ARHGEF40: variants seen among roughly 807,000 people sequenced by gnomAD.
ARHGEF40 encodes the protein Rho guanine nucleotide exchange factor 40.
Under a neutral mutation model 165.9 loss-of-function variants are expected in ARHGEF40, and 98 were observed. The observed-to-expected ratio is 0.59, with a 90% CI of 0.50 to 0.70. The LOEUF is 0.70. ARHGEF40 is among the 30% of genes least tolerant of loss of function. ARHGEF40 has a pLI of 0.00. For missense variants in ARHGEF40, 1,815 were observed against 1,968.0 expected (o/e 0.92, Z 1.47); for synonymous variants, 792 against 814.3 (o/e 0.97, Z 0.47).
In ARHGEF40 at chr14:21,073,332, C is replaced by G; in HGVS notation, c.201+90C>G. ...CAGGCTGACTAATGCCCCCACTAAC[C>G]TAGAGATACAGCCTCCCTTGAAACC... On this transcript the variant is annotated intron_variant, in intron 2 of 23. Coordinates refer to ENST00000298694, the MANE Select transcript of ARHGEF40 (RefSeq NM_018071.5). The surrounding 1 kb of genome is among the most constrained non-coding windows in gnomAD (Gnocchi z 4.6). 1 of 1,359,626 alleles carries G rather than the reference C, an allele frequency of 7.4e-7. No homozygotes were observed. Among genetic ancestry groups the G allele is most frequent in the Non-Finnish European group, 1.0e-6 (1 of 993,808 alleles). The allele number at this position is 1,359,626 out of a possible 1,614,324, so 84.2% of individuals were successfully genotyped here.
chr14:21,067,595 C>T (rs1214796481), upstream of ARHGEF40, among the ~76,000 whole-genome samples: 1 of 152,018 alleles, frequency 6.6e-6, no homozygotes, highest in Non-Finnish European at 1.5e-5. Context: ...TTTGAGAAGC[C>T]CCAAAGAGTC....
At chr14:21,062,948 T>TAA in the ARHGEF40 span, among the ~76,000 whole-genome samples, 830 of 128,126 alleles carry the variant, frequency 6.5e-3, 7 homozygotes, top group African/African-American at 0.02. Flanking sequence ...ACCTTGTCTC[T>TAA]AAAAAAAAAA....
rs1275282851 is a variant in ARHGEF40 at position 21,078,912 on chromosome 14, T to C, written c.2275T>C (p.Tyr759His). 1 of 1,614,022 alleles carries C rather than the reference T, an allele frequency of 6.2e-7. No individual in the cohort carries two copies. The highest frequency in any genetic ancestry group is 8.5e-7 in the Non-Finnish European group (1 of 1,179,968). The change falls in exon 11 of 24, where the codon TAT becomes CAT. Residue 759 changes from tyrosine (Y) to histidine (H), a missense_variant. Tyr to His is a moderately conservative substitution (Grantham distance 83). Transcript: ENST00000298694. ...KLEGQGPATL[Y>H]QEVDEAIHQL... is the part of the protein sequence containing the mutation. ...GGAGGGCCAAGGCCCAGCTACACTG[T>C]ATCAGGAAGTGGACGAGGCCATTCA...
rs114625560 is a variant in ARHGEF40 at position 21,073,973 on chromosome 14, G to T, written c.243G>T (p.Pro81=). ...TCCTCTTCTTCCATGAGGGGTGGCC[G>T]CTCTGCCTGCATGAACAGGTGGTGG... ...SGFLFFHEGW[P]LCLHEQVVVQ... The change falls in exon 3 of 24, where the codon CCG becomes CCT. Residue 81 remains proline (P), a synonymous_variant. Coordinates refer to ENST00000298694, the MANE Select transcript of ARHGEF40 (RefSeq NM_018071.5). This position sits in a 1 kb window ranked among gnomAD's most constrained non-coding sequence, Gnocchi z 4.6. 1.2e-6 allele frequency: 2 copies of T among 1,610,482 alleles called. No homozygotes were observed. Among genetic ancestry groups the T allele is most frequent in the African/African-American group, 2.7e-5 (2 of 75,018 alleles).
upstream of ARHGEF40, among the ~76,000 whole-genome samples, chr14:21,066,333 T>G (rs1886263648): frequency 6.6e-6 from 1 of 151,740 alleles, no homozygotes; most frequent in Non-Finnish European, 1.5e-5. Context: ...TTGTTTTTTT[T>G]TTTTGGAGAC....
Position 21,082,407 on chromosome 14 carries a change from A to C in ARHGEF40, c.3415A>C (p.Thr1139Pro). The change falls in exon 15 of 24, where the codon ACA (threonine) becomes CCA (proline). Residue 1139 changes from threonine (T) to proline (P), a missense_variant. Coordinates refer to ENST00000298694, the MANE Select transcript of ARHGEF40 (RefSeq NM_018071.5). ...GGAAAGGCTTCGCAGCTTCCACCGG[A>C]CACACTTTCTGCGGGAGCTTCAGGG... is the stretch of plus-strand genomic sequence containing the variant. ...ARERLRSFHR[T>P]HFLRELQGCA... The C allele has an allele frequency of 6.2e-7, 1 of 1,611,540 alleles. No individual in the cohort carries two copies. The highest frequency in any genetic ancestry group is 8.5e-7 in the Non-Finnish European group (1 of 1,179,158).
chr14:21,065,981 C>A (rs1002350981), upstream of ARHGEF40, among the ~76,000 whole-genome samples: 1 of 152,136 alleles, frequency 6.6e-6, no homozygotes. Context: ...AGCCTGTAAA[C>A]CCAACTACTT....
At position 21,074,503 on chromosome 14, in the gene ARHGEF40, A is replaced by T; in HGVS notation, c.773A>T (p.Asp258Val). The T allele has an allele frequency of 1.4e-5, 21 of 1,554,386 alleles. No individual in the cohort carries two copies. The highest frequency in any genetic ancestry group is 1.7e-5 in the Non-Finnish European group (20 of 1,149,618). Reference protein sequence around the residue: ...VTLPVRGSPTDAEGSPGLSRV... With the variant: ...VTLPVRGSPTVAEGSPGLSRV... The stretch of plus-strand genomic sequence containing the variant: ...CTGCCCGTGAGGGGGAGCCCAACAG[A>T]TGCTGAAGGCTCCCCAGGCCTCTCC... Residue 258 changes from aspartate to valine, a missense_variant, in exon 3 of 24, where the codon GAT (aspartate) becomes GTT (valine). By Grantham distance (152) the Asp-to-Val change is radical. Coordinates refer to ENST00000298694, the MANE Select transcript of ARHGEF40 (RefSeq NM_018071.5). This position sits in a 1 kb window ranked among gnomAD's most constrained non-coding sequence, Gnocchi z 4.8.
At chr14:21,087,254 C>A in intron 20 of ARHGEF40, 66 bp from the exon 21 acceptor site, 1 of 1,583,954 alleles carries the variant, frequency 6.3e-7, no homozygotes, top group Non-Finnish European at 8.6e-7. Context: ...GACTGAGGGT[C>A]ATTCCAGGGA....
intron 5 of ARHGEF40, 121 bp from the exon 6 acceptor site, chr14:21,076,239 G>T: frequency 1.2e-6 from 1 of 811,564 alleles, no homozygotes; most frequent in Non-Finnish European, 2.0e-6. Flanking sequence ...CAAATGTACC[G>T]GCAACTAATT....
In ARHGEF40 at chr14:21,074,563, G is replaced by A; in HGVS notation, c.833G>A (p.Gly278Glu). The A allele has an allele frequency of 1.3e-6, 2 of 1,555,238 alleles. No homozygotes were observed. Among genetic ancestry groups the A allele is most frequent in the Non-Finnish European group, 1.7e-6 (2 of 1,150,550 alleles). Residue 278 changes from glycine (G) to glutamate (E), a missense_variant, in exon 3 of 24, where the codon GGA becomes GAA. By Grantham distance (98) the Gly-to-Glu change is moderately conservative (BLOSUM62 -2). Transcript: ENST00000298694. The surrounding 1 kb of genome is among the most constrained non-coding windows in gnomAD (Gnocchi z 4.8). ...ACGGTACCCACCCGCAAGGGCGCTGGAGGGAAGGGCCGCCACCGGAGACAC... is the reference window on the plus strand; with the variant it reads ...ACGGTACCCACCCGCAAGGGCGCTGAAGGGAAGGGCCGCCACCGGAGACAC... ...VRTVPTRKGA[G>E]GKGRHRRHRA...
chr14:21,085,681 T>C lies in ARHGEF40; in HGVS notation c.3961-8T>C. ...TGTCTTCACCCGCTGCCCTCTGCTC[T>C]TCCTCAGACTGCTGATATGGGGCTG... On this transcript the variant is annotated splice_polypyrimidine_tract_variant and splice_region_variant and intron_variant, in intron 18 of 23. Coordinates refer to ENST00000298694, the MANE Select transcript of ARHGEF40 (RefSeq NM_018071.5). 1 of 1,612,892 alleles carries C rather than the reference T, an allele frequency of 6.2e-7. No homozygotes were observed. The highest frequency in any genetic ancestry group is 8.5e-7 in the Non-Finnish European group (1 of 1,179,658).
chr14:21,088,048 A>C lies in ARHGEF40; in HGVS notation c.4468A>C (p.Ser1490Arg). The stretch of plus-strand genomic sequence containing the variant: ...CAGCCTGCAACCCCCCCACCCTGGG[A>C]GCAGCACTCCCACCCTGGCCAGTCG... ...SPSLQPPHPG[S>R]STPTLASRGI... Residue 1490 changes from serine (S) to arginine (R), a missense_variant, in exon 22 of 24, where the codon AGC (serine) becomes CGC (arginine). Transcript: ENST00000298694. 6.2e-7 allele frequency: 1 copy of C among 1,613,830 alleles called. No individual in the cohort carries two copies. The highest frequency in any genetic ancestry group is 8.5e-7 in the Non-Finnish European group (1 of 1,179,896).
rs1430296301 is a variant in ARHGEF40, at chr14:21,078,966, G to A, written c.2329G>A (p.Val777Met). The A allele has an allele frequency of 6.8e-6, 11 of 1,614,028 alleles. No homozygotes were observed. Among genetic ancestry groups the A allele is most frequent in the Middle Eastern group, 1.6e-4 (1 of 6,078 alleles). Residue 777 changes from valine (V) to methionine (M), a missense_variant, in exon 11 of 24, where the codon GTG (valine) becomes ATG (methionine). Physicochemically the swap from Val to Met is conservative, Grantham distance 21. Coordinates refer to ENST00000298694, the MANE Select transcript of ARHGEF40 (RefSeq NM_018071.5). Reference sequence around the variant, plus strand: ...GCTTGTGCGCCTCTCCAACCTGCACGTGCAGCAGCAAGAGCAGCGGCAGTG... The same window carrying A: ...GCTTGTGCGCCTCTCCAACCTGCACATGCAGCAGCAAGAGCAGCGGCAGTG... ...HQLVRLSNLH[V>M]QQQEQRQCLR...
At position 21,082,060 on chromosome 14, in the gene ARHGEF40, G is replaced by C; in HGVS notation, c.3192G>C (p.Arg1064Ser). 2 of 1,560,046 alleles carry C rather than the reference G, an allele frequency of 1.3e-6. No homozygotes were observed. Among genetic ancestry groups the C allele is most frequent in the Non-Finnish European group, 1.7e-6 (2 of 1,151,924 alleles). ...AACACGTGCTGCTGGGCCGGGCTAG[G>C]GGGCCAGACGGACCCTGGGGAGTAG... ...PREHVLLGRA[R>S]GPDGPWGVGT... The change falls in exon 14 of 24, where the codon AGG (arginine) becomes AGC (serine). Residue 1064 changes from arginine (R) to serine (S), a missense_variant. Arg to Ser is a moderately radical substitution (Grantham distance 110). Transcript: ENST00000298694.
In ARHGEF40 at chr14:21,075,264, T is replaced by A. The variant is rs1264933481; in HGVS notation, c.1451-68T>A. 166 of 1,597,214 alleles carry A rather than the reference T, an allele frequency of 1.0e-4. No homozygotes were observed. The South Asian group carries it at 1.8e-3, about 17-fold the overall frequency. On this transcript the variant is annotated intron_variant, in intron 3 of 23. Transcript: ENST00000298694. This position sits in a 1 kb window ranked among gnomAD's most constrained non-coding sequence, Gnocchi z 4.5. ...GAGGGGGCAGGAGGAGGAGCAGGGTTAGGCTGGGAGCAGAACAACCAGAAC... is the reference window on the plus strand; with the variant it reads ...GAGGGGGCAGGAGGAGGAGCAGGGTAAGGCTGGGAGCAGAACAACCAGAAC...
Position 21,081,967 on chromosome 14 carries a change from A to G in ARHGEF40, c.3099A>G (p.Arg1033=). The G allele has an allele frequency of 6.3e-7, 1 of 1,598,876 alleles. No homozygotes were observed. Among genetic ancestry groups the G allele is most frequent in the African/African-American group, 1.3e-5 (1 of 74,676 alleles). ...LAPEAEGRPP[R]AVLIRGLEVT... ...CAGAAGCAGAGGGCAGGCCCCCAAGAGCTGTGCTGATCCGAGGCCTGGAGG... is the reference window on the plus strand; with the variant it reads ...CAGAAGCAGAGGGCAGGCCCCCAAGGGCTGTGCTGATCCGAGGCCTGGAGG... Residue 1033 remains arginine (R), a synonymous_variant, in exon 14 of 24, where the codon AGA becomes AGG. Coordinates refer to ENST00000298694, the MANE Select transcript of ARHGEF40 (RefSeq NM_018071.5).
chr14:21,074,171 T>G lies in ARHGEF40; in HGVS notation c.441T>G (p.Pro147=). Residue 147 remains proline (P), a synonymous_variant, in exon 3 of 24, where the codon CCT becomes CCG. Transcript: ENST00000298694. The surrounding 1 kb of genome is among the most constrained non-coding windows in gnomAD (Gnocchi z 4.8). ...PNEACAYLFT[P]EWLQGINKDR... is the part of the protein sequence containing the mutation. The stretch of plus-strand genomic sequence containing the variant: ...AGGCTTGTGCCTACCTATTCACACC[T>G]GAGTGGCTACAAGGCATCAACAAGG... The G allele has an allele frequency of 1.2e-6, 2 of 1,614,142 alleles. No homozygotes were observed. Among genetic ancestry groups the G allele is most frequent in the Non-Finnish European group, 1.7e-6 (2 of 1,180,022 alleles).
intron 9 of ARHGEF40, 45 bp from the exon 10 acceptor site, chr14:21,078,328 G>A (rs1353721886): frequency 1.2e-6 from 2 of 1,600,506 alleles, no homozygotes; most frequent in South Asian, 1.1e-5. Flanking sequence ...CTGGGGTGGA[G>A]ACTCTCTGGT....
Sources: gnomAD v4.1 joint callset for allele counts (sites outside exome capture counted in the v4.1 genomes callset) on GRCh38, gnomAD v4.1.1 for gene constraint, Gnocchi (gnomAD v3.1) non-coding constraint, MANE v1.5 for transcripts, NCBI Gene and HGNC (gene_info 2026-07-23, HGNC 2026-07-21) for gene names.